RASA3: variants seen among roughly 807,000 people sequenced by gnomAD.
RASA3 encodes the protein RAS p21 protein activator 3.
In RASA3, 73 loss-of-function variants were observed where a neutral mutation model predicts 110.0. That is an observed-to-expected ratio of 0.66 (90% confidence interval 0.55 to 0.81). The LOEUF (loss-of-function observed/expected upper bound fraction) is 0.81. Among genes scored for constraint, RASA3 ranks in the 30% least tolerant of loss-of-function variants. RASA3 has a pLI of 0.00. For missense variants in RASA3, 976 were observed against 1,113.2 expected, an observed-to-expected ratio of 0.88 and a Z score of 1.75; for synonymous variants, 500 against 451.4, an observed-to-expected ratio of 1.11 and a Z score of -1.37.
chr13:114,036,526 GT>G (rs1195359841), intron 4 of RASA3, among the ~76,000 whole-genome samples: 4 of 151,916 alleles, frequency 2.6e-5, no homozygotes, highest in Non-Finnish European at 5.9e-5. Flanking sequence ...GAGTTGTGGG[GT>G]TTTTTTTCTT....
At chr13:114,030,345 AGCTCACACAGAGGGCAAG>A (rs1208548960) in intron 4 of RASA3, among the ~76,000 whole-genome samples, 16 of 127,488 alleles carry the variant, frequency 1.3e-4, no homozygotes, top group South Asian at 1.1e-3. Context: ...AACCTCGGAG[AGCTCACACAGAGGGCAAG>A]GCTCACACAG....
In RASA3 at chr13:114,014,150, GTC is replaced by G. The variant is rs2053738861; in HGVS notation, c.1406-904_1406-903del. 6.7e-6 allele frequency among the ~76,000 whole-genome samples: 1 copy of G among 149,750 alleles called. No homozygotes were observed. The highest frequency in any genetic ancestry group is 2.1e-4 in the South Asian group (1 of 4,680). On this transcript the variant is annotated intron_variant, in intron 14 of 23. Transcript: ENST00000334062. This position sits in a 1 kb window ranked among gnomAD's most constrained non-coding sequence, Gnocchi z 4.5. ...TGTCTCTCTCTGTCTCTCTCCTTCT[GTC>G]TCTGCCTCTCTCTCCATCTCTCCCT...
intron 1 of RASA3, among the ~76,000 whole-genome samples, chr13:114,103,003 G>C (rs2080079540): frequency 1.3e-5 from 2 of 152,188 alleles, no homozygotes; most frequent in South Asian, 4.1e-4. Flanking sequence ...TCACCCCTAA[G>C]AGTGAGGCTG....
At chr13:114,064,979 A>G (rs1165556217) in intron 2 of RASA3, among the ~76,000 whole-genome samples, 1 of 152,264 alleles carries the variant, frequency 6.6e-6, no homozygotes, top group Non-Finnish European at 1.5e-5. Flanking sequence ...GACCCTGGCA[A>G]AGTCTCCTTT....
At chr13:114,040,315 G>A (rs576722072) in intron 4 of RASA3, among the ~76,000 whole-genome samples, 1 of 146,452 alleles carries the variant, frequency 6.8e-6, no homozygotes, top group Non-Finnish European at 1.5e-5. Context: ...CTCACTCCGA[G>A]CACAAGCGGG....
At chr13:114,129,200 G>A (rs982360446) in intron 1 of RASA3, among the ~76,000 whole-genome samples, 3 of 152,246 alleles carry the variant, frequency 2.0e-5, no homozygotes, top group African/African-American at 7.2e-5. Flanking sequence ...CATAGGAAGT[G>A]TGGCTCAGTC....
chr13:114,010,136 G>A (rs1324723869), intron 16 of RASA3, among the ~76,000 whole-genome samples: 3 of 152,156 alleles, frequency 2.0e-5, no homozygotes, highest in South Asian at 2.1e-4. Context: ...GGTGCACCTC[G>A]GCCTGCCTGC....
chr13:114,024,203 A>G, intron 8 of RASA3, 76 bp downstream of exon 8: 1 of 1,317,444 alleles, frequency 7.6e-7, no homozygotes, highest in Non-Finnish European at 1.1e-6. Context: ...CCCTATATTT[A>G]GTAACAAAGA....
At chr13:114,042,163 G>A (rs1291083197) in intron 3 of RASA3, among the ~76,000 whole-genome samples, 14 of 152,182 alleles carry the variant, frequency 9.2e-5, no homozygotes, top group Non-Finnish European at 1.5e-4. Flanking sequence ...TTCCCGAGGC[G>A]CGGCAAACGT....
chr13:114,013,940 CTCTA>C lies in RASA3; in HGVS notation c.1406-696_1406-693del, dbSNP rs1219940157. 1.0e-3 allele frequency among the ~76,000 whole-genome samples: 97 copies of C among 93,676 alleles called. 3 individuals are homozygous for C. The highest frequency in any genetic ancestry group is 1.9e-3 in the Admixed American group (18 of 9,668). The allele number at this position is 93,676 out of a possible 152,430, so 61.5% of individuals were successfully genotyped here. A position where few individuals can be genotyped will look rare whatever the true frequency, so the allele number is the denominator to read the frequency against. ...TCTCTCTCCGTCTCTCTCTCCCTGT[CTCTA>C]TCTCTCTGTCTCTCTCTCTCTCTCT... On this transcript the variant is annotated intron_variant, in intron 14 of 23. Coordinates refer to ENST00000334062, the MANE Select transcript of RASA3 (RefSeq NM_007368.4).
At chr13:114,052,981 G>A (rs1278376366) in intron 2 of RASA3, among the ~76,000 whole-genome samples, 10 of 104,776 alleles carry the variant, frequency 9.5e-5, no homozygotes, top group African/African-American at 2.2e-4. Flanking sequence ...TGCTGACTGT[G>A]CGTAGAGTCC....
intron 4 of RASA3, among the ~76,000 whole-genome samples, chr13:114,031,930 A>G (rs2054177497): frequency 6.6e-6 from 1 of 152,176 alleles, no homozygotes; most frequent in Non-Finnish European, 1.5e-5. Context: ...AGAACCTCGG[A>G]TGGAGCAGGG....
chr13:113,993,806 TAAA>T (rs35450759), intron 21 of RASA3, among the ~76,000 whole-genome samples: 8 of 85,580 alleles, frequency 9.3e-5, no homozygotes, highest in Non-Finnish European at 1.6e-4. Flanking sequence ...AGACTCTGCC[TAAA>T]AAAAAAAAAA....
intron 23 of RASA3, among the ~76,000 whole-genome samples, chr13:113,980,316 C>T (rs753252186): frequency 6.8e-6 from 1 of 147,076 alleles, no homozygotes; most frequent in Non-Finnish European, 1.5e-5. Flanking sequence ...TGCACCTCCT[C>T]CGTCTGTGCC....
In RASA3 at chr13:114,021,438, T is replaced by G; in HGVS notation, c.751A>C (p.Lys251Gln). Residue 251 changes from lysine (K) to glutamine (Q), a missense_variant, in exon 9 of 24, where the codon AAA (lysine) becomes CAA (glutamine). Physicochemically the swap from Lys to Gln is moderately conservative, Grantham distance 53 (BLOSUM62 1). This residue lies in a region of RASA3 where 732 missense variants were observed against 779.7 expected (regional missense o/e 0.94). Coordinates refer to ENST00000334062, the MANE Select transcript of RASA3 (RefSeq NM_007368.4). ...EFLGELRIPL[K>Q]VLRQSSSYEA... Reference sequence around the variant, plus strand: ...TAGGAGCTGGACTGCCGCAGGACTTTCAACGGGATCCTTAGTTCTCCCAGG... The same window carrying G: ...TAGGAGCTGGACTGCCGCAGGACTTGCAACGGGATCCTTAGTTCTCCCAGG... 2 of 1,614,058 alleles carry G rather than the reference T, an allele frequency of 1.2e-6. No homozygotes were observed. The highest frequency in any genetic ancestry group is 1.7e-6 in the Non-Finnish European group (2 of 1,180,022).
In RASA3 at chr13:114,057,848, C is replaced by T. The variant is rs1052634243; in HGVS notation, c.174-5693G>A. On this transcript the variant is annotated intron_variant, in intron 2 of 23. Coordinates refer to ENST00000334062, the MANE Select transcript of RASA3 (RefSeq NM_007368.4). The surrounding 1 kb of genome is among the most constrained non-coding windows in gnomAD (Gnocchi z 5.0). ...CGAGGGGACCCAGAACAATGGCTTC[C>T]CTGGGGTGCGGGCTCGGCCTGCAGG... is the stretch of plus-strand genomic sequence containing the variant. Among the ~76,000 whole-genome samples the T allele has an allele frequency of 2.4e-4, 37 of 152,178 alleles. No homozygotes were observed. The highest frequency in any genetic ancestry group is 8.7e-4 in the African/African-American group (36 of 41,452).
intron 1 of RASA3, among the ~76,000 whole-genome samples, chr13:114,081,026 CACGGCAGAGGGCCG>C (rs1425831674): frequency 1.4e-4 from 21 of 151,332 alleles, no homozygotes; most frequent in East Asian, 3.9e-4. Context: ...AAGAGTGCCC[CACGGCAGAGGGCCG>C]TCCACCTAGA....
intron 15 of RASA3, 23 bp downstream of exon 15, chr13:114,013,119 C>T (rs372606166): frequency 1.2e-5 from 19 of 1,599,368 alleles, no homozygotes; most frequent in East Asian, 1.1e-4. Context: ...CAGAAAGCCT[C>T]GGTCCCTCAG....
chr13:114,011,237 C>T lies in RASA3; in HGVS notation c.1524G>A (p.Thr508=), dbSNP rs202142638. Residue 508 remains threonine (T), a synonymous_variant, in exon 16 of 24, where the codon ACG becomes ACA. Coordinates refer to ENST00000334062, the MANE Select transcript of RASA3 (RefSeq NM_007368.4). The surrounding 1 kb of genome is among the most constrained non-coding windows in gnomAD (Gnocchi z 4.8). ...TGGAGATCAATGTCAGCGTCCTGGA[C>T]GTCTGGGGGTCCTGGGGAGGCGGGA... ...QLTPHHTDPQ[T]SRTLTLISKT... is the part of the protein sequence containing the mutation. 21 of 1,612,240 alleles carry T rather than the reference C, an allele frequency of 1.3e-5. No homozygotes were observed. Among genetic ancestry groups the T allele is most frequent in the Middle Eastern group, 1.6e-4 (1 of 6,076 alleles).
Sources: gnomAD v4.1 joint callset for allele counts (sites outside exome capture counted in the v4.1 genomes callset) on GRCh38, gnomAD v4.1.1 for gene constraint, gnomAD v4.1.1 regional missense constraint, Gnocchi (gnomAD v3.1) non-coding constraint, MANE v1.5 for transcripts, NCBI Gene and HGNC (gene_info 2026-07-23, HGNC 2026-07-21) for gene names.